The following NUP210L variants were observed in gnomAD, a reference collection of about 807,000 sequenced individuals.
NUP210L encodes the protein nuclear pore membrane glycoprotein 210-like.
NUP210L carries 74 observed loss-of-function variants against 208.5 expected under a neutral mutation model. That is an observed-to-expected ratio of 0.35 (90% CI 0.29 to 0.43). The LOEUF is 0.43. Among genes scored for constraint, NUP210L ranks in the 20% least tolerant of loss-of-function variants. The probability of loss-of-function intolerance (pLI) is 1.00; values close to 1 mark genes in which losing one functional copy is unlikely to be tolerated. For missense variants in NUP210L, 1,843 were observed against 2,289.4 expected, an observed-to-expected ratio of 0.81 and a Z score of 3.98; for synonymous variants, 780 against 816.9, an observed-to-expected ratio of 0.95 and a Z score of 0.77.
At chr1:154,087,003 A>G (rs1281509108) in intron 16 of NUP210L, among the ~76,000 whole-genome samples, 1 of 152,036 alleles carries the variant, frequency 6.6e-6, no homozygotes, top group Non-Finnish European at 1.5e-5. Flanking sequence ...AGATATACAA[A>G]TGGCCAGTAA....
rs191707153 is a variant in NUP210L, at chr1:154,110,906, C to G, written c.1621-6696G>C. ...AAAAAGAAAAACAAAACTGCAAAAGCAAGAGCAAACCAAAGCCAAAATTAG... is the reference window on the plus strand; with the variant it reads ...AAAAAGAAAAACAAAACTGCAAAAGGAAGAGCAAACCAAAGCCAAAATTAG... On this transcript the variant is annotated intron_variant, in intron 12 of 39. Transcript: ENST00000368559. Among the ~76,000 whole-genome samples the G allele has an allele frequency of 1.9e-4, 29 of 150,666 alleles. 2 individuals are homozygous for G. The highest frequency in any genetic ancestry group is 7.1e-4 in the African/African-American group (29 of 40,572).
At chr1:154,083,219 G>A (rs1655445725) in intron 16 of NUP210L, among the ~76,000 whole-genome samples, 1 of 152,138 alleles carries the variant, frequency 6.6e-6, no homozygotes, top group African/African-American at 2.4e-5. Flanking sequence ...AGTGCTGATT[G>A]GTCCATTTTA....
chr1:154,083,837 G>A lies in NUP210L; in HGVS notation c.2361+5584C>T, dbSNP rs117853854. The stretch of plus-strand genomic sequence containing the variant: ...TAGAATGGCACTGTGGCACAGAAAC[G>A]GTGGTTTGGGATGAGAAAGGATGAA... On this transcript the variant is annotated intron_variant, in intron 16 of 39. Coordinates refer to ENST00000368559, the Ensembl canonical transcript of NUP210L. Among the ~76,000 whole-genome samples, 18 of 151,934 alleles carry A rather than the reference G, an allele frequency of 1.2e-4. No individual in the cohort carries two copies. The East Asian group carries it at 2.5e-3, about 21-fold the overall frequency.
At chr1:154,074,185 G>A (rs1337486257) in intron 16 of NUP210L, among the ~76,000 whole-genome samples, 2 of 152,046 alleles carry the variant, frequency 1.3e-5, no homozygotes, top group East Asian at 1.9e-4. Context: ...CCCCTCTGTG[G>A]GTGATAATTT....
At chr1:154,030,536 G>A (rs1652155684) in intron 27 of NUP210L, among the ~76,000 whole-genome samples, 1 of 151,926 alleles carries the variant, frequency 6.6e-6, no homozygotes, top group African/African-American at 2.4e-5. Context: ...GGCCTCAAGC[G>A]ATCTGCCCAC....
chr1:154,143,437 G>A lies in NUP210L; in HGVS notation c.472+9C>T. 3 of 1,610,804 alleles carry A rather than the reference G, an allele frequency of 1.9e-6. No homozygotes were observed. The highest frequency in any genetic ancestry group is 1.7e-6 in the Non-Finnish European group (2 of 1,179,014). ...AGGTAATTTTGTTGAATCCTCTGAA[G>A]TTCTTTACCTTCAGCATCCAATGCC... On this transcript the variant is annotated intron_variant, in intron 3 of 39. Coordinates refer to ENST00000368559, the Ensembl canonical transcript of NUP210L.
In NUP210L at chr1:154,018,890, A is replaced by G. The variant is rs750843689; in HGVS notation, c.4653+43T>C. 103 of 1,603,690 alleles carry G rather than the reference A, an allele frequency of 6.4e-5. 2 individuals carry two copies. Among genetic ancestry groups the G allele is most frequent in the Admixed American group, 3.7e-4 (22 of 59,266 alleles). The stretch of plus-strand genomic sequence containing the variant: ...TCTATGCATATCCTCATATGTGGCA[A>G]TAGTCACCCTAGTCTCTTAAACTCT... On this transcript the variant is annotated intron_variant, in intron 33 of 39. Coordinates refer to ENST00000368559, the Ensembl canonical transcript of NUP210L.
chr1:154,089,359 T>C, intron 16 of NUP210L, 62 bp downstream of exon 16: 1 of 1,390,596 alleles, frequency 7.2e-7, no homozygotes. Context: ...AATTCCAGAC[T>C]CTATCTCTAA....
At position 154,012,259 on chromosome 1, in the gene NUP210L, C is replaced by G. The variant is rs369548570; in HGVS notation, c.4765G>C (p.Gly1589Arg). ...GATTCCTGACCTTTAAGATTGACAC[C>G]ATTTCTGCCAGTGGTGATGAAGAGC... The change falls in exon 34 of 40, where the codon GGT becomes CGT. Residue 1589 changes from glycine (G) to arginine (R), a missense_variant. Physicochemically the swap from Gly to Arg is moderately radical, Grantham distance 125. Coordinates refer to ENST00000368559, the Ensembl canonical transcript of NUP210L. 1.3e-5 allele frequency: 21 copies of G among 1,613,632 alleles called. No homozygotes were observed. Among genetic ancestry groups the G allele is most frequent in the Middle Eastern group, 1.6e-4 (1 of 6,082 alleles).
intron 16 of NUP210L, among the ~76,000 whole-genome samples, chr1:154,080,359 C>CA (rs1377653117): frequency 0.068 from 8,808 of 128,994 alleles, 906 homozygotes; most frequent in African/African-American, 0.23. Context: ...GACTCCATCT[C>CA]AAAAAAAAAA....
chr1:154,033,714 C>T (rs558325250), intron 27 of NUP210L, among the ~76,000 whole-genome samples: 20 of 152,128 alleles, frequency 1.3e-4, no homozygotes, highest in South Asian at 6.2e-4. Context: ...TTGCTGAGGA[C>T]GGCTTTGACT....
At chr1:154,095,264 TCCCA>T in intron 14 of NUP210L, 108 bp from the exon 15 acceptor site, 4 of 820,806 alleles carry the variant, frequency 4.9e-6, no homozygotes, top group Non-Finnish European at 7.7e-6. Context: ...TAAACTTAAT[TCCCA>T]AATTAAGAGA....
At position 154,061,568 on chromosome 1, in the gene NUP210L, A is replaced by G. The variant is rs765880353; in HGVS notation, c.2643+18T>C. On this transcript the variant is annotated intron_variant, in intron 18 of 39. Coordinates refer to ENST00000368559, the Ensembl canonical transcript of NUP210L. ...CAATTATTTAATTTATATTTCTTAC[A>G]TTATAATCTCCACTCACTTTTGGGC... The G allele has an allele frequency of 7.3e-7, 1 of 1,376,098 alleles. No homozygotes were observed. The highest frequency in any genetic ancestry group is 1.0e-6 in the Non-Finnish European group (1 of 977,702). The allele number at this position is 1,376,098 out of a possible 1,614,324, so 85.2% of individuals were successfully genotyped here. A position where few individuals can be genotyped will look rare whatever the true frequency, so the allele number is the denominator to read the frequency against.
rs755311982 is a variant in NUP210L at position 154,054,457 on chromosome 1, T to C, written c.3304-50A>G. ...TGCCTAGAACATGAGGGAGAAATCA[T>C]GTCTCTTTTCCCAACATTTTGTCCA... On this transcript the variant is annotated intron_variant, in intron 24 of 39. Coordinates refer to ENST00000368559, the Ensembl canonical transcript of NUP210L. 8 of 1,572,730 alleles carry C rather than the reference T, an allele frequency of 5.1e-6. No individual in the cohort carries two copies. In the East Asian group the frequency reaches 1.6e-4, roughly 31 times the overall value.
chr1:154,031,170 C>T (rs1652193865), intron 27 of NUP210L, among the ~76,000 whole-genome samples: 1 of 152,156 alleles, frequency 6.6e-6, no homozygotes, highest in Non-Finnish European at 1.5e-5. Context: ...CTCACTGCAA[C>T]CTCCGCCTCC....
intron 27 of NUP210L, among the ~76,000 whole-genome samples, chr1:154,036,066 A>G (rs1336383006): frequency 6.6e-6 from 1 of 151,886 alleles, no homozygotes. Context: ...CTTTCACTGT[A>G]TCTCATAGGT....
At chr1:154,117,950 G>T in intron 11 of NUP210L, 70 bp from the exon 12 acceptor site, 1 of 1,102,748 alleles carries the variant, frequency 9.1e-7, no homozygotes, top group Non-Finnish European at 1.3e-6. Flanking sequence ...TGTAAAACTT[G>T]ACTGGTGAAA....
At chr1:154,027,041 C>T (rs1651919702) in intron 29 of NUP210L, among the ~76,000 whole-genome samples, 1 of 143,008 alleles carries the variant, frequency 7.0e-6, no homozygotes, top group Non-Finnish European at 1.5e-5. Context: ...TGAGATTGTG[C>T]CACTGTGCGC....
At chr1:154,113,931 T>G (rs1657180963) in intron 12 of NUP210L, among the ~76,000 whole-genome samples, 1 of 146,886 alleles carries the variant, frequency 6.8e-6, no homozygotes, top group Admixed American at 7.0e-5. Flanking sequence ...GAGGCCGAGT[T>G]CAGAAGTTCA....
Sources: gnomAD v4.1 joint callset for allele counts (sites outside exome capture counted in the v4.1 genomes callset) on GRCh38, gnomAD v4.1.1 for gene constraint, MANE v1.5 for transcripts, NCBI Gene and HGNC (gene_info 2026-07-23, HGNC 2026-07-21) for gene names.